Variants in CENPF observed in about 807,000 individuals in gnomAD.
CENPF encodes centromere protein F, also known as AH antigen.
In CENPF, 214 loss-of-function variants were observed where a neutral mutation model predicts 307.3. The ratio of observed to expected loss-of-function variants is 0.70; its 90% CI spans 0.62 to 0.78. The LOEUF (loss-of-function observed/expected upper bound fraction) is 0.78, where lower values mean the gene tolerates loss of function less well. Among genes scored for constraint, CENPF ranks in the 30% least tolerant of loss-of-function variants. The pLI, the probability that CENPF is intolerant of heterozygous loss-of-function variation, is 0.00. For synonymous variants in CENPF, 1,259 were observed against 1,270.6 expected, an observed-to-expected ratio of 0.99 and a Z score of 0.19; for missense variants, 3,401 against 3,483.9, an observed-to-expected ratio of 0.98 and a Z score of 0.60.
intron 9 of CENPF, 29 bp from the exon 10 acceptor site, chr1:214,632,451 T>C (rs1165240178): frequency 6.2e-7 from 1 of 1,601,662 alleles, no homozygotes; most frequent in Admixed American, 1.7e-5. Context: ...AACATGAAAA[T>C]GAAACTTGGT....
chr1:214,647,369 C>A lies in CENPF; in HGVS notation c.7799C>A (p.Thr2600Lys), dbSNP rs745370832. The stretch of plus-strand genomic sequence containing the variant: ...AATCTAGAGAATGAGCTTGAATTGA[C>A]AAAAATGGACAAAATGTCCTTTGTT... ...YKNLENELEL[T>K]KMDKMSFVEK... The change falls in exon 13 of 20, where the codon ACA (threonine) becomes AAA (lysine). Residue 2600 changes from threonine (T) to lysine (K), a missense_variant. By Grantham distance (78) the Thr-to-Lys change is moderately conservative (BLOSUM62 -1). Transcript: ENST00000366955. 1.2e-6 allele frequency: 2 copies of A among 1,606,592 alleles called. No homozygotes were observed. The highest frequency in any genetic ancestry group is 1.7e-5 in the Admixed American group (1 of 58,706).
intron 14 of CENPF, among the ~76,000 whole-genome samples, chr1:214,649,660 A>G (rs1658409169): frequency 1.3e-5 from 2 of 152,242 alleles, no homozygotes. Context: ...ATCAAATCTC[A>G]GGAATGGACT....
In CENPF at chr1:214,641,977, A is replaced by G; in HGVS notation, c.3639A>G (p.Leu1213=). The change falls in exon 12 of 20, where the codon TTA becomes TTG. Residue 1213 remains leucine, a synonymous_variant. Coordinates refer to ENST00000366955, the MANE Select transcript of CENPF (RefSeq NM_016343.4). ...LDSYNAQLVQ[L]EAMLRNKELK... ...GTTATAATGCGCAGTTGGTGCAATT[A>G]GAAGCTATGCTAAGAAATAAGGAAT... 6.2e-7 allele frequency: 1 copy of G among 1,606,676 alleles called. No individual in the cohort carries two copies. Among genetic ancestry groups the G allele is most frequent in the Non-Finnish European group, 8.5e-7 (1 of 1,178,128 alleles).
At position 214,642,485 on chromosome 1, in the gene CENPF, C is replaced by T. The variant is rs267598367; in HGVS notation, c.4147C>T (p.Pro1383Ser). The change falls in exon 12 of 20, where the codon CCA becomes TCA. Residue 1383 changes from proline (P) to serine (S), a missense_variant. By Grantham distance (74) the Pro-to-Ser change is moderately conservative (BLOSUM62 -1). Transcript: ENST00000366955. ...PNEQHPVSLA[P>S]LDESNSYEHL... ...TGAACAGCACCCTGTGTCTTTGGCT[C>T]CATTGGACGAGAGTAATTCCTACGA... is the stretch of plus-strand genomic sequence containing the variant. The T allele has an allele frequency of 2.5e-5, 40 of 1,608,438 alleles. No individual in the cohort carries two copies. Among genetic ancestry groups the T allele is most frequent in the Non-Finnish European group, 2.9e-5 (34 of 1,177,364 alleles).
In CENPF at chr1:214,613,698, T is replaced by C; in HGVS notation, c.-41-16T>C. On this transcript the variant is annotated splice_polypyrimidine_tract_variant and intron_variant, in intron 1 of 19. Transcript: ENST00000366955. Reference sequence around the variant, plus strand: ...TTTTACTGTGGTAAGACCAACAGTCTGGTTATTCTTTTCAGTTTATTTACA... The same window carrying C: ...TTTTACTGTGGTAAGACCAACAGTCCGGTTATTCTTTTCAGTTTATTTACA... 6.7e-7 allele frequency: 1 copy of C among 1,489,380 alleles called. No individual in the cohort carries two copies. The highest frequency in any genetic ancestry group is 1.4e-5 in the South Asian group (1 of 73,572). The allele number at this position is 1,489,380 out of a possible 1,614,324, so 92.3% of individuals were successfully genotyped here. A position where few individuals can be genotyped will look rare whatever the true frequency, so the allele number is the denominator to read the frequency against.
At chr1:214,625,700 T>C (rs1406259548) in intron 7 of CENPF, among the ~76,000 whole-genome samples, 1 of 152,196 alleles carries the variant, frequency 6.6e-6, no homozygotes, top group Admixed American at 6.5e-5. Flanking sequence ...AAAATCCATT[T>C]TGATTTGTCT....
At chr1:214,660,215 C>A (rs544167187) in intron 19 of CENPF, among the ~76,000 whole-genome samples, 9 of 152,212 alleles carry the variant, frequency 5.9e-5, no homozygotes, top group South Asian at 2.1e-4. Context: ...TAAATTTGTT[C>A]ATCATATACA....
chr1:214,608,882 C>G, intron 1 of CENPF: 2 of 1,425,658 alleles, frequency 1.4e-6, no homozygotes, highest in South Asian at 1.4e-5. Context: ...GGGCCCCAGC[C>G]AACAACGCCG....
chr1:214,647,359 C>T lies in CENPF; in HGVS notation c.7789C>T (p.Leu2597Phe), dbSNP rs141721649. ...TTCTTACAAGAATCTAGAGAATGAG[C>T]TTGAATTGACAAAAATGGACAAAAT... ...QSSYKNLENE[L>F]ELTKMDKMSF... Residue 2597 changes from leucine to phenylalanine, a missense_variant, in exon 13 of 20, where the codon CTT becomes TTT. By Grantham distance (22) the Leu-to-Phe change is conservative. Coordinates refer to ENST00000366955, the MANE Select transcript of CENPF (RefSeq NM_016343.4). The T allele has an allele frequency of 1.9e-6, 3 of 1,610,256 alleles. No homozygotes were observed. Among genetic ancestry groups the T allele is most frequent in the Non-Finnish European group, 2.5e-6 (3 of 1,178,040 alleles).
chr1:214,629,189 A>T lies in CENPF; in HGVS notation c.1194+18A>T, dbSNP rs972274284. The T allele has an allele frequency of 6.4e-7, 1 of 1,574,120 alleles. No individual in the cohort carries two copies. Among genetic ancestry groups the T allele is most frequent in the Admixed American group, 1.9e-5 (1 of 51,730 alleles). Reference sequence around the variant, plus strand: ...TTCAAGAGGTAAGGTAAATGGATTCATGAGGTGTTTGTCTGAAAGGCTTTT... The same window carrying T: ...TTCAAGAGGTAAGGTAAATGGATTCTTGAGGTGTTTGTCTGAAAGGCTTTT... On this transcript the variant is annotated intron_variant, in intron 8 of 19. Coordinates refer to ENST00000366955, the MANE Select transcript of CENPF (RefSeq NM_016343.4).
intron 8 of CENPF, among the ~76,000 whole-genome samples, chr1:214,630,077 G>A (rs560705652): frequency 1.1e-4 from 16 of 152,298 alleles, no homozygotes; most frequent in South Asian, 6.2e-4. Flanking sequence ...TCTTTCTGTG[G>A]TTATTAAAGT....
chr1:214,653,558 G>A (rs536834586), intron 16 of CENPF: 1 of 154,404 alleles, frequency 6.5e-6, no homozygotes, highest in Non-Finnish European at 1.5e-5. Flanking sequence ...ACCTGGAAAA[G>A]GAGGTGTTTT....
Position 214,622,165 on chromosome 1 carries a change from C to G in CENPF, c.952C>G (p.Leu318Val). The G allele has an allele frequency of 6.2e-7, 1 of 1,613,850 alleles. No homozygotes were observed. The highest frequency in any genetic ancestry group is 8.5e-7 in the Non-Finnish European group (1 of 1,179,842). Residue 318 changes from leucine (L) to valine (V), a missense_variant, in exon 7 of 20, where the codon CTC (leucine) becomes GTC (valine). Coordinates refer to ENST00000366955, the MANE Select transcript of CENPF (RefSeq NM_016343.4). ...MKGQVNKFQE[L>V]QLQLEKAKVE... ...AGGCCAAGTGAATAAGTTTCAAGAA[C>G]TCCAACTCCAACTGGAGAAAGCAAA...
intron 1 of CENPF, among the ~76,000 whole-genome samples, chr1:214,610,346 A>T (rs915652784): frequency 2.0e-5 from 3 of 152,178 alleles, no homozygotes; most frequent in African/African-American, 7.2e-5. Flanking sequence ...CTTGGCCAGC[A>T]TCTGTTATTT....
In CENPF at chr1:214,646,896, G is replaced by A. The variant is rs75093097; in HGVS notation, c.7326G>A (p.Met2442Ile). 2.2e-4 allele frequency: 353 copies of A among 1,614,046 alleles called. 4 individuals are homozygous for A. In the African/African-American group the frequency reaches 4.5e-3, roughly 20 times the overall value. The change falls in exon 13 of 20, where the codon ATG becomes ATA. Residue 2442 changes from methionine to isoleucine, a missense_variant. Coordinates refer to ENST00000366955, the MANE Select transcript of CENPF (RefSeq NM_016343.4). The stretch of plus-strand genomic sequence containing the variant: ...AAAAATCAAGCACTGCCATGGAGAT[G>A]CTTCAAACACAATTAAAAGAGCTCA... ...MKEKSSTAME[M>I]LQTQLKELNE...
intron 2 of CENPF, 56 bp downstream of exon 2, chr1:214,613,972 C>A: frequency 6.8e-7 from 1 of 1,465,786 alleles, no homozygotes; most frequent in Non-Finnish European, 9.2e-7. Flanking sequence ...CAGAGAAGTG[C>A]TGGTATTTAA....
Position 214,622,155 on chromosome 1 carries a change from G to C in CENPF, c.942G>C (p.Lys314Asn), listed in dbSNP as rs759216202. The C allele has an allele frequency of 3.3e-5, 54 of 1,613,900 alleles. No homozygotes were observed. In the South Asian group the frequency reaches 5.9e-4, roughly 18 times the overall value. The change falls in exon 7 of 20, where the codon AAG (lysine) becomes AAC (asparagine). Residue 314 changes from lysine (K) to asparagine (N), a missense_variant. By Grantham distance (94) the Lys-to-Asn change is moderately conservative. Transcript: ENST00000366955. Reference protein sequence around the residue: ...HEKEMKGQVNKFQELQLQLEK... With the variant: ...HEKEMKGQVNNFQELQLQLEK... The stretch of plus-strand genomic sequence containing the variant: ...AAGAAATGAAAGGCCAAGTGAATAA[G>C]TTTCAAGAACTCCAACTCCAACTGG...
chr1:214,655,503 C>T, intron 17 of CENPF, 100 bp downstream of exon 17: 1 of 996,644 alleles, frequency 1.0e-6, no homozygotes, highest in Non-Finnish European at 1.4e-6. Flanking sequence ...GTGCTGTGTT[C>T]TATTACTGAG....
At chr1:214,605,940 G>A (rs1657015318) in intron 1 of CENPF, 1 of 1,597,378 alleles carries the variant, frequency 6.3e-7, no homozygotes, top group East Asian at 2.2e-5. Flanking sequence ...TTGGTGTCGG[G>A]GAAGGCGACG....
Sources: gnomAD v4.1 joint callset for allele counts (sites outside exome capture counted in the v4.1 genomes callset) on GRCh38, gnomAD v4.1.1 for gene constraint, MANE v1.5 for transcripts, NCBI Gene and HGNC (gene_info 2026-07-23, HGNC 2026-07-21) for gene names.